Variants in TRPM1 observed in about 807,000 individuals in gnomAD.
The protein encoded by TRPM1 is TRPM1-203 APA Isoform, Intron 10.
Under a neutral mutation model 149.4 loss-of-function variants are expected in TRPM1, and 113 were observed. The ratio of observed to expected loss-of-function variants is 0.76; its 90% CI spans 0.65 to 0.88. TRPM1 has a LOEUF of 0.88. Among genes scored for constraint, TRPM1 ranks in the 40% least tolerant of loss-of-function variants. The pLI, the probability that TRPM1 is intolerant of heterozygous loss-of-function variation, is 0.00. For missense variants in TRPM1, 1,976 were observed against 2,038.7 expected (o/e 0.97, Z 0.59); for synonymous variants, 741 against 759.5 (o/e 0.98, Z 0.40).
chr15:31,133,712 T>G (rs1177676442), intron 1 of TRPM1, among the ~76,000 whole-genome samples: 222 of 136,830 alleles, frequency 1.6e-3, no homozygotes, highest in Middle Eastern at 3.7e-3. Context: ...TGGGAGGGGG[T>G]GGGAAACTGA....
At chr15:31,121,874 A>T (rs1445455836) in intron 1 of TRPM1, among the ~76,000 whole-genome samples, 1 of 152,180 alleles carries the variant, frequency 6.6e-6, no homozygotes, top group Non-Finnish European at 1.5e-5. Context: ...GAAAAAAAAG[A>T]AACTATAGCC....
intron 8 of TRPM1, 119 bp downstream of exon 8, chr15:31,062,999 G>C: frequency 7.2e-7 from 1 of 1,389,072 alleles, no homozygotes; most frequent in South Asian, 1.2e-5. Context: ...AGGAGATCTA[G>C]CAAATCTTCC....
intron 2 of TRPM1, among the ~76,000 whole-genome samples, chr15:31,080,465 G>T (rs1249377785): frequency 6.6e-6 from 1 of 152,096 alleles, no homozygotes; most frequent in Non-Finnish European, 1.5e-5. Flanking sequence ...CTGGAGGAAG[G>T]ATCATCAGAC....
chr15:31,091,947 C>A (rs777488872), intron 1 of TRPM1, among the ~76,000 whole-genome samples: 5 of 152,218 alleles, frequency 3.3e-5, no homozygotes, highest in Non-Finnish European at 7.3e-5. Flanking sequence ...CAACTGTTAG[C>A]TTGCAAAGCC....
chr15:31,007,330 CTT>C (rs1566985288), intron 27 of TRPM1, among the ~76,000 whole-genome samples: 1 of 152,030 alleles, frequency 6.6e-6, no homozygotes, highest in Non-Finnish European at 1.5e-5. Flanking sequence ...CTCCCGGACT[CTT>C]TATTCTGTTC....
At position 31,081,402 on chromosome 15, in the gene TRPM1, G is replaced by A. The variant is rs149639576; in HGVS notation, c.-47C>T. The A allele has an allele frequency of 3.9e-6, 6 of 1,535,048 alleles. No homozygotes were observed. The African/African-American group carries it at 8.2e-5, about 21-fold the overall frequency. On this transcript the variant is annotated 5_prime_UTR_variant, in exon 2 of 28. Transcript: ENST00000256552. ...AAGGAAATAGCCTCAGTCCAGCACT[G>A]CAAGTTACTGCTGAGTCCTCAGAAA... is the stretch of plus-strand genomic sequence containing the variant.
chr15:31,072,010 TATATATATAGAGAGAGAG>T (rs1265278311), intron 3 of TRPM1, among the ~76,000 whole-genome samples: 31 of 30,064 alleles, frequency 1.0e-3, no homozygotes, highest in Middle Eastern at 0.021. Flanking sequence ...TATATATATA[TATATATATAGAGAGAGAG>T]AGAGAGAGAG....
intron 3 of TRPM1, among the ~76,000 whole-genome samples, chr15:31,072,107 G>A (rs991474455): frequency 1.4e-5 from 2 of 142,700 alleles, no homozygotes; most frequent in Admixed American, 7.1e-5. Context: ...GTTAATTTTC[G>A]AACATTTTCA....
In TRPM1 at chr15:31,066,056, G is replaced by C. The variant is rs151313855; in HGVS notation, c.790+20C>G. The C allele has an allele frequency of 3.7e-6, 6 of 1,612,284 alleles. No individual in the cohort carries two copies. The highest frequency in any genetic ancestry group is 1.7e-5 in the Admixed American group (1 of 60,008). ...GATGGCATCAGCCCAGGAGGACTGC[G>C]TGCCTTTGCCAGCACTTACTTGTGT... On this transcript the variant is annotated intron_variant, in intron 7 of 27. Coordinates refer to ENST00000256552, the MANE Select transcript of TRPM1 (RefSeq NM_001252024.2).
chr15:31,137,748 C>T (rs16956578), intron 1 of TRPM1, among the ~76,000 whole-genome samples: 3,778 of 152,206 alleles, frequency 0.025, 161 homozygotes, highest in African/African-American at 0.087. Flanking sequence ...AACTTTCTGT[C>T]GGAATTGCCT....
At chr15:31,136,903 A>C (rs2036096698) in intron 1 of TRPM1, among the ~76,000 whole-genome samples, 1 of 152,114 alleles carries the variant, frequency 6.6e-6, no homozygotes, top group Non-Finnish European at 1.5e-5. Context: ...TCTTCTTTTG[A>C]CAGATCTGGC....
At chr15:31,152,048 G>A (rs956649540) in intron 1 of TRPM1, among the ~76,000 whole-genome samples, 2 of 152,204 alleles carry the variant, frequency 1.3e-5, no homozygotes, top group African/African-American at 4.8e-5. Context: ...TCCCTAGGAA[G>A]ACCTGCTGTC....
intron 1 of TRPM1, among the ~76,000 whole-genome samples, chr15:31,113,244 G>GCCT (rs2035726043): frequency 1.3e-5 from 2 of 152,148 alleles, no homozygotes; most frequent in Admixed American, 1.3e-4. Context: ...CAACAAGAAA[G>GCCT]GGAGGGCTCC....
rs544526004 is a variant in TRPM1 at position 31,089,098 on chromosome 15, C to G, written c.-83-7660G>C. Among the ~76,000 whole-genome samples, 5 of 152,212 alleles carry G rather than the reference C, an allele frequency of 3.3e-5. No homozygotes were observed. In the South Asian group the frequency reaches 8.3e-4, roughly 25 times the overall value. ...TGCCATATTTTTAAAAAACAAAAAT[C>G]AATACAGAAAATTCGTGATGAATAC... On this transcript the variant is annotated intron_variant, in intron 1 of 27. Coordinates refer to ENST00000256552, the MANE Select transcript of TRPM1 (RefSeq NM_001252024.2).
intron 1 of TRPM1, among the ~76,000 whole-genome samples, 190 bp from the exon 2 acceptor site, chr15:31,081,628 C>G (rs530189786): frequency 6.6e-6 from 1 of 152,212 alleles, no homozygotes; most frequent in South Asian, 2.1e-4. Flanking sequence ...TCCCCCACCT[C>G]CTGCCTGTCC....
intron 11 of TRPM1, among the ~76,000 whole-genome samples, chr15:31,055,837 G>C (rs934991017): frequency 2.6e-5 from 4 of 152,168 alleles, no homozygotes; most frequent in Non-Finnish European, 5.9e-5. Context: ...GTGATGGACA[G>C]CCAAGGATCT....
At position 31,050,741 on chromosome 15, in the gene TRPM1, C is replaced by T. The variant is rs74362269; in HGVS notation, c.1264-159G>A. On this transcript the variant is annotated intron_variant, in intron 11 of 27. Coordinates refer to ENST00000256552, the MANE Select transcript of TRPM1 (RefSeq NM_001252024.2). The stretch of plus-strand genomic sequence containing the variant: ...CCCACACAGTGCACACATATGCCCA[C>T]ACATATGTACAGGTGCACACGGACT... Among the ~76,000 whole-genome samples the T allele has an allele frequency of 0.036, 5,525 of 152,254 alleles. 191 individuals carry two copies. Among genetic ancestry groups the T allele is most frequent in the South Asian group, 0.16 (758 of 4,826 alleles).
rs116107560 is a variant in TRPM1 at position 31,035,701 on chromosome 15, T to C, written c.2572-27A>G. 2.6e-3 allele frequency: 4,198 copies of C among 1,614,096 alleles called. 96 individuals are homozygous for C. In the African/African-American group the frequency reaches 0.048, roughly 18 times the overall value. Reference sequence around the variant, plus strand: ...TGAAAGAAAGACAAGCTGTTAGCCGTGTTTGGGGGAATCACATAGCAATCA... The same window carrying C: ...TGAAAGAAAGACAAGCTGTTAGCCGCGTTTGGGGGAATCACATAGCAATCA... On this transcript the variant is annotated intron_variant, in intron 20 of 27. Transcript: ENST00000256552.
At chr15:31,051,044 T>C (rs189074962) in intron 11 of TRPM1, among the ~76,000 whole-genome samples, 183 of 152,294 alleles carry the variant, frequency 1.2e-3, no homozygotes, top group African/African-American at 4.3e-3. Flanking sequence ...TGGATAGAAC[T>C]GAGGATGCCT....
Sources: gnomAD v4.1 joint callset for allele counts (sites outside exome capture counted in the v4.1 genomes callset) on GRCh38, gnomAD v4.1.1 for gene constraint, MANE v1.5 for transcripts, NCBI Gene and HGNC (gene_info 2026-07-23, HGNC 2026-07-21) for gene names.